The following PIP4K2A variants were observed in gnomAD, a reference collection of about 807,000 sequenced individuals.
PIP4K2A encodes phosphatidylinositol-5-phosphate 4-kinase type 2 alpha.
PIP4K2A carries 14 observed loss-of-function variants against 42.9 expected under a neutral mutation model. The observed-to-expected ratio is 0.33, with a 90% confidence interval of 0.22 to 0.51. The LOEUF is 0.51. PIP4K2A is among the 20% of genes least tolerant of loss of function. PIP4K2A has a pLI of 0.97. For missense variants in PIP4K2A, 434 were observed against 519.8 expected (o/e 0.83, Z 1.61); for synonymous variants, 192 against 192.2 (o/e 1.00, Z 0.01).
chr10:22,632,865 T>C (rs1838577055), intron 1 of PIP4K2A, among the ~76,000 whole-genome samples: 1 of 152,246 alleles, frequency 6.6e-6, no homozygotes, highest in African/African-American at 2.4e-5. Flanking sequence ...ATCTTACTTG[T>C]AGGAAGCGGT....
At chr10:22,607,870 A>G in intron 3 of PIP4K2A, 57 bp downstream of exon 3, 2 of 1,084,024 alleles carry the variant, frequency 1.8e-6, no homozygotes, top group Admixed American at 1.7e-5. Flanking sequence ...TTGACACAGC[A>G]AAAGTCATGG....
At chr10:22,597,380 T>C (rs1217625392) in intron 3 of PIP4K2A, among the ~76,000 whole-genome samples, 2 of 152,184 alleles carry the variant, frequency 1.3e-5, no homozygotes, top group Non-Finnish European at 2.9e-5. Context: ...ACCCTAAGAA[T>C]TCTTCACATT....
chr10:22,567,737 G>C, intron 6 of PIP4K2A, 114 bp downstream of exon 6: 1 of 895,848 alleles, frequency 1.1e-6, no homozygotes, highest in Non-Finnish European at 1.9e-6. Flanking sequence ...GCAGAATGGG[G>C]AACAGGAAGA....
intron 1 of PIP4K2A, among the ~76,000 whole-genome samples, chr10:22,656,577 C>T (rs1338861718): frequency 3.3e-5 from 5 of 152,058 alleles, no homozygotes; most frequent in African/African-American, 7.2e-5. Context: ...GAGGCTGAGG[C>T]GGGTGGATCA....
intron 4 of PIP4K2A, among the ~76,000 whole-genome samples, chr10:22,584,372 A>G (rs1222984251): frequency 6.6e-6 from 1 of 152,198 alleles, no homozygotes; most frequent in African/African-American, 2.4e-5. Context: ...ACTGGATGAT[A>G]TATTTTGAAG....
chr10:22,604,007 A>ACG (rs918214157), intron 3 of PIP4K2A, among the ~76,000 whole-genome samples: 2 of 84,962 alleles, frequency 2.4e-5, no homozygotes. Context: ...ACACGCGCGC[A>ACG]CGCACACACA....
intron 6 of PIP4K2A, among the ~76,000 whole-genome samples, chr10:22,555,545 G>A (rs1836516310): frequency 1.3e-5 from 2 of 152,174 alleles, no homozygotes; most frequent in Admixed American, 6.5e-5. Context: ...AACACTAGCT[G>A]TGATGTTCTG....
rs912404812 is a variant in PIP4K2A at position 22,535,037 on chromosome 10, G to A, written c.*2164C>T. On this transcript the variant is annotated 3_prime_UTR_variant, in exon 10 of 10. Coordinates refer to ENST00000376573, the MANE Select transcript of PIP4K2A (RefSeq NM_005028.5). ...GACTGGAGTGTATTGTTAGCACTAG[G>A]AGATAACAGGGCAAACGTCCTCACT... 2.6e-5 allele frequency: 4 copies of A among 152,208 alleles called. No individual in the cohort carries two copies. Among genetic ancestry groups the A allele is most frequent in the Non-Finnish European group, 4.4e-5 (3 of 68,038 alleles). The allele number at this position is 152,208 out of a possible 1,614,324, so 9.4% of individuals were successfully genotyped here. A position where few individuals can be genotyped will look rare whatever the true frequency, so the allele number is the denominator to read the frequency against.
chr10:22,611,728 T>C (rs761852443), intron 1 of PIP4K2A, among the ~76,000 whole-genome samples: 55 of 152,390 alleles, frequency 3.6e-4, no homozygotes, highest in Middle Eastern at 3.4e-3. Context: ...TGTATCCTTA[T>C]GCTATCAGTG....
intron 1 of PIP4K2A, among the ~76,000 whole-genome samples, chr10:22,687,441 G>A (rs1051358978): frequency 1.3e-5 from 2 of 151,978 alleles, no homozygotes; most frequent in African/African-American, 2.4e-5. Context: ...AAGTTTAGAG[G>A]TCTAATGTAG....
chr10:22,663,260 T>C (rs1046072493), intron 1 of PIP4K2A, among the ~76,000 whole-genome samples: 3 of 152,236 alleles, frequency 2.0e-5, no homozygotes, highest in African/African-American at 7.2e-5. Context: ...AGGTATCTGA[T>C]ATATATTTGC....
At chr10:22,656,557 G>A (rs1320431285) in intron 1 of PIP4K2A, among the ~76,000 whole-genome samples, 5 of 152,012 alleles carry the variant, frequency 3.3e-5, no homozygotes, top group East Asian at 1.9e-4. Context: ...CTGTAATCCC[G>A]GCACTTTGGG....
At chr10:22,552,570 G>A (rs1028130877) in intron 6 of PIP4K2A, among the ~76,000 whole-genome samples, 3 of 152,088 alleles carry the variant, frequency 2.0e-5, no homozygotes, top group African/African-American at 4.8e-5. Flanking sequence ...TATTAGAACT[G>A]TAAACATAAT....
chr10:22,630,695 G>A (rs536013230), intron 1 of PIP4K2A, among the ~76,000 whole-genome samples: 2 of 152,286 alleles, frequency 1.3e-5, no homozygotes, highest in Admixed American at 1.3e-4. Flanking sequence ...GAGCCACAAA[G>A]GGTAACAAAC....
At chr10:22,611,713 G>T (rs966594169) in intron 1 of PIP4K2A, among the ~76,000 whole-genome samples, 2 of 152,154 alleles carry the variant, frequency 1.3e-5, no homozygotes, top group Non-Finnish European at 2.9e-5. Flanking sequence ...AAAAATTAAA[G>T]TTTATGTATC....
chr10:22,587,489 CT>C (rs1837423428), intron 4 of PIP4K2A, among the ~76,000 whole-genome samples: 1 of 152,168 alleles, frequency 6.6e-6, no homozygotes, highest in Non-Finnish European at 1.5e-5. Flanking sequence ...GATACAAACC[CT>C]AAAAGTACTC....
intron 1 of PIP4K2A, among the ~76,000 whole-genome samples, chr10:22,681,314 G>A (rs1187833584): frequency 6.6e-6 from 1 of 152,172 alleles, no homozygotes; most frequent in African/African-American, 2.4e-5. Context: ...CTAAAGGGAG[G>A]TTGGAGGGGA....
At chr10:22,548,671 A>ACTAAACATTC (rs1395585705) in intron 7 of PIP4K2A, among the ~76,000 whole-genome samples, 5 of 152,344 alleles carry the variant, frequency 3.3e-5, no homozygotes, top group Non-Finnish European at 7.4e-5. Context: ...ACTGAGGAAA[A>ACTAAACATTC]CTAAACATTC....
intron 1 of PIP4K2A, among the ~76,000 whole-genome samples, chr10:22,664,104 C>CGTATATATATATACGT (rs773759044): frequency 2.0e-5 from 1 of 50,374 alleles, no homozygotes; most frequent in Non-Finnish European, 3.2e-5. Flanking sequence ...TATATATATA[C>CGTATATATATATACGT]ATATATATAT....
Sources: gnomAD v4.1 joint callset for allele counts (sites outside exome capture counted in the v4.1 genomes callset) on GRCh38, gnomAD v4.1.1 for gene constraint, MANE v1.5 for transcripts, NCBI Gene and HGNC (gene_info 2026-07-23, HGNC 2026-07-21) for gene names.